Variants in ARHGAP26 observed in about 807,000 individuals in gnomAD.
The protein encoded by ARHGAP26 is Rho GTPase activating protein 26.
Under a neutral mutation model 104.8 loss-of-function variants are expected in ARHGAP26, and 38 were observed. The observed-to-expected ratio is 0.36, with a 90% confidence interval of 0.28 to 0.48. The LOEUF is 0.48. Among genes scored for constraint, ARHGAP26 ranks in the 20% least tolerant of loss-of-function variants. The pLI is 0.99. For missense variants in ARHGAP26, 704 were observed against 947.9 expected (o/e 0.74, Z 3.38); for synonymous variants, 341 against 340.0 (o/e 1.00, Z -0.03).
intron 11 of ARHGAP26, among the ~76,000 whole-genome samples, chr5:142,999,076 CTAAGAGTATGGCA>C (rs1327730606): frequency 1.3e-5 from 2 of 152,116 alleles, no homozygotes; most frequent in Non-Finnish European, 2.9e-5. Context: ...ATTATAGGGA[CTAAGAGTATGGCA>C]TTTCAAAGCT....
chr5:143,147,644 T>C, intron 20 of ARHGAP26: 1 of 408,402 alleles, frequency 2.4e-6, no homozygotes, highest in Non-Finnish European at 4.4e-6. Context: ...TGGTGATAGC[T>C]ATTGCCTGTG....
At chr5:142,996,118 C>T (rs566050374) in intron 11 of ARHGAP26, among the ~76,000 whole-genome samples, 3 of 152,076 alleles carry the variant, frequency 2.0e-5, no homozygotes, top group African/African-American at 7.2e-5. Flanking sequence ...TGCAGCAAAC[C>T]GACATGGCAC....
intron 11 of ARHGAP26, among the ~76,000 whole-genome samples, chr5:142,963,190 A>ATGTGTGTGTG (rs1180388142): frequency 2.0e-5 from 2 of 100,506 alleles, no homozygotes; most frequent in African/African-American, 7.2e-5. Flanking sequence ...ATATATATAT[A>ATGTGTGTGTG]TATATATATG....
At chr5:143,062,704 C>T (rs896823954) in intron 17 of ARHGAP26, among the ~76,000 whole-genome samples, 1 of 151,826 alleles carries the variant, frequency 6.6e-6, no homozygotes, top group Admixed American at 6.6e-5. Flanking sequence ...GAGGATGAGC[C>T]CTAGTGGTTC....
At chr5:142,839,983 A>G (rs528513435) in intron 1 of ARHGAP26, among the ~76,000 whole-genome samples, 2 of 152,050 alleles carry the variant, frequency 1.3e-5, no homozygotes, top group Non-Finnish European at 2.9e-5. Flanking sequence ...CTTTTGGTTG[A>G]GGCAGTTGCA....
At chr5:142,849,372 A>G (rs777489201) in intron 1 of ARHGAP26, among the ~76,000 whole-genome samples, 1 of 152,178 alleles carries the variant, frequency 6.6e-6, no homozygotes, top group Non-Finnish European at 1.5e-5. Flanking sequence ...TTCCATTTGT[A>G]TTTGGCTTTT....
chr5:142,986,285 G>GTTGGCTGCATAA, intron 11 of ARHGAP26, among the ~76,000 whole-genome samples: 1 of 152,186 alleles, frequency 6.6e-6, no homozygotes, highest in East Asian at 1.9e-4. Flanking sequence ...TCATGTGTCT[G>GTTGGCTGCATAA]TTGGCTGCAT....
intron 13 of ARHGAP26, among the ~76,000 whole-genome samples, chr5:143,039,429 C>T (rs2150135151): frequency 6.6e-6 from 1 of 152,174 alleles, no homozygotes; most frequent in East Asian, 1.9e-4. Context: ...TGGTCTTCAA[C>T]TCCTGACCTC....
intron 11 of ARHGAP26, among the ~76,000 whole-genome samples, chr5:143,007,194 G>C (rs112905698): frequency 1.4e-5 from 1 of 69,584 alleles, no homozygotes; most frequent in East Asian, 3.5e-4. Context: ...CTCTGTCTCC[G>C]AAAAAAAAAA....
At chr5:142,967,947 T>G (rs114108602) in intron 11 of ARHGAP26, among the ~76,000 whole-genome samples, 1 of 152,296 alleles carries the variant, frequency 6.6e-6, no homozygotes, top group African/African-American at 2.4e-5. Flanking sequence ...ATTAAAGGCA[T>G]TGTTCAAAGA....
intron 17 of ARHGAP26, among the ~76,000 whole-genome samples, chr5:143,100,889 G>A (rs1486078046): frequency 2.0e-5 from 3 of 152,238 alleles, no homozygotes; most frequent in Admixed American, 6.5e-5. Context: ...TCAAGAGTTC[G>A]CGACCAGCCT....
intron 20 of ARHGAP26, among the ~76,000 whole-genome samples, chr5:143,165,796 A>C (rs1418074345): frequency 6.6e-6 from 1 of 152,192 alleles, no homozygotes; most frequent in Non-Finnish European, 1.5e-5. Flanking sequence ...TTCCCTGCTT[A>C]TAAGTGAAAA....
At chr5:143,210,105 T>C (rs910624710) in intron 21 of ARHGAP26, among the ~76,000 whole-genome samples, 20 of 152,140 alleles carry the variant, frequency 1.3e-4, no homozygotes, top group African/African-American at 4.8e-4. Context: ...CTGTCTGAAT[T>C]AGTCTGTTTT....
At chr5:142,819,553 A>G (rs942056027) in intron 1 of ARHGAP26, among the ~76,000 whole-genome samples, 2 of 152,226 alleles carry the variant, frequency 1.3e-5, no homozygotes, top group Non-Finnish European at 2.9e-5. Flanking sequence ...CAGGCCATGC[A>G]TGCCTCATAA....
chr5:142,973,154 A>AG (rs1218620087), intron 11 of ARHGAP26, among the ~76,000 whole-genome samples: 3 of 152,236 alleles, frequency 2.0e-5, no homozygotes, highest in Non-Finnish European at 4.4e-5. Flanking sequence ...AACAAATGCC[A>AG]GAACTACAGG....
chr5:143,203,064 A>G (rs1808009211), intron 20 of ARHGAP26: 1 of 152,262 alleles, frequency 6.6e-6, no homozygotes, highest in Non-Finnish European at 1.5e-5. Context: ...ACAAAAGCCA[A>G]GATTGACAAA....
At chr5:142,903,956 C>T (rs571583686) in intron 8 of ARHGAP26, among the ~76,000 whole-genome samples, 1 of 152,214 alleles carries the variant, frequency 6.6e-6, no homozygotes, top group African/African-American at 2.4e-5. Flanking sequence ...TACCCCTAGT[C>T]CAGCTTTATG....
At chr5:143,167,449 C>T (rs1802136296) in intron 20 of ARHGAP26, among the ~76,000 whole-genome samples, 1 of 125,908 alleles carries the variant, frequency 7.9e-6, no homozygotes, top group Non-Finnish European at 1.6e-5. Flanking sequence ...CACCACTGCA[C>T]TCCAGCCTGC....
chr5:142,837,605 G>A lies in ARHGAP26; in HGVS notation c.155-35795G>A, dbSNP rs117104029. Reference sequence around the variant, plus strand: ...GCCCTTTGGTACTTTGTGCAGCTGCGGAGCTTAAGGGTGAGCTAGTCCTAT... The same window carrying A: ...GCCCTTTGGTACTTTGTGCAGCTGCAGAGCTTAAGGGTGAGCTAGTCCTAT... On this transcript the variant is annotated intron_variant, in intron 1 of 22. Transcript: ENST00000645722. Among the ~76,000 whole-genome samples, 851 of 152,288 alleles carry A rather than the reference G, an allele frequency of 5.6e-3. 18 individuals are homozygous for A. The East Asian group carries it at 0.063, about 11-fold the overall frequency.
Sources: gnomAD v4.1 joint callset for allele counts (sites outside exome capture counted in the v4.1 genomes callset) on GRCh38, gnomAD v4.1.1 for gene constraint, MANE v1.5 for transcripts, NCBI Gene and HGNC (gene_info 2026-07-23, HGNC 2026-07-21) for gene names.